The following GRIN2D variants were observed in gnomAD, a reference collection of about 807,000 sequenced individuals.
GRIN2D encodes glutamate ionotropic receptor NMDA type subunit 2D, also known as glutamate receptor ionotropic, NMDA 2D.
A neutral mutation model predicts 103.2 loss-of-function variants in GRIN2D; 37 were observed. The observed-to-expected ratio is 0.36, with a 90% CI of 0.28 to 0.47. GRIN2D has a LOEUF of 0.47. Ranked by LOEUF, GRIN2D falls within the 20% of genes least tolerant of loss-of-function variation. The pLI, the probability that GRIN2D is intolerant of heterozygous loss-of-function variation, is 1.00. For missense variants in GRIN2D, 1,557 were observed against 1,910.6 expected, an observed-to-expected ratio of 0.81 and a Z score of 3.45; for synonymous variants, 845 against 885.6, an observed-to-expected ratio of 0.95 and a Z score of 0.81.
chr19:48,432,636 C>A (rs1040629930), intron 11 of GRIN2D, among the ~76,000 whole-genome samples: 8 of 150,346 alleles, frequency 5.3e-5, no homozygotes. Flanking sequence ...GTGCCACTTT[C>A]GTGTAGAGAC....
chr19:48,430,092 C>CT (rs1265061331), intron 11 of GRIN2D, among the ~76,000 whole-genome samples: 2 of 152,200 alleles, frequency 1.3e-5, no homozygotes, highest in African/African-American at 2.4e-5. Context: ...CATTGTGACT[C>CT]TGACAGATGA....
chr19:48,436,041 G>A (rs181772279), intron 11 of GRIN2D, among the ~76,000 whole-genome samples: 2 of 152,316 alleles, frequency 1.3e-5, no homozygotes, highest in East Asian at 1.9e-4. Context: ...AACACCTGAC[G>A]GAGGTTGTAA....
Position 48,416,080 on chromosome 19 carries a change from GT to G in GRIN2D, c.1661del (p.Val554AlafsTer34), listed in dbSNP as rs770057469. On this transcript the variant is annotated frameshift_variant, in exon 8 of 14. Transcript: ENST00000263269. LOFTEE classifies it high-confidence loss of function. ...GCGCTCCGAGATCGTGGACTTCTCC[GT>G]CCCCTTCGTGGAGACCGGCATCAGC... ...EERSEIVDFS[V>X]PFVETGISVM... 1 of 1,613,810 alleles carries G rather than the reference GT, an allele frequency of 6.2e-7. No homozygotes were observed. Among genetic ancestry groups the G allele is most frequent in the South Asian group, 1.1e-5 (1 of 91,070 alleles).
chr19:48,429,143 C>CT (rs1411113278), intron 11 of GRIN2D, among the ~76,000 whole-genome samples: 3 of 152,000 alleles, frequency 2.0e-5, no homozygotes, highest in East Asian at 1.9e-4. Context: ...GTTACTTTTT[C>CT]TTTTTTTTCT....
Position 48,442,052 on chromosome 19 carries a change from C to A in GRIN2D, c.2440+96C>A. 1.3e-6 allele frequency: 2 copies of A among 1,508,116 alleles called. No individual in the cohort carries two copies. Among genetic ancestry groups the A allele is most frequent in the South Asian group, 1.2e-5 (1 of 85,338 alleles). The allele number at this position is 1,508,116 out of a possible 1,614,324, so 93.4% of individuals were successfully genotyped here. On this transcript the variant is annotated intron_variant, in intron 12 of 13. Coordinates refer to ENST00000263269, the MANE Select transcript of GRIN2D (RefSeq NM_000836.4). The surrounding 1 kb of genome is among the most constrained non-coding windows in gnomAD (Gnocchi z 7.2). The stretch of plus-strand genomic sequence containing the variant: ...GGGACAAAGACCCGGACACCAGGGT[C>A]TGAGGGAGGAAGGGGCTAAGGGCCT...
chr19:48,431,186 C>T (rs1483909725), intron 11 of GRIN2D, among the ~76,000 whole-genome samples: 2 of 152,158 alleles, frequency 1.3e-5, no homozygotes, highest in Non-Finnish European at 2.9e-5. Context: ...TGGGCATAGC[C>T]GCCATCTTGG....
rs8110204 is a variant in GRIN2D at position 48,421,191 on chromosome 19, G to A, written c.2092-594G>A. Among the ~76,000 whole-genome samples the A allele has an allele frequency of 1.4e-4, 22 of 152,200 alleles. No homozygotes were observed. Among genetic ancestry groups the A allele is most frequent in the African/African-American group, 5.1e-4 (21 of 41,432 alleles). Reference sequence around the variant, plus strand: ...TGCCTGTAATCCCAGCACTTTGGGAGGCCAAGGCGGGCGGATCACCTGAGG... The same window carrying A: ...TGCCTGTAATCCCAGCACTTTGGGAAGCCAAGGCGGGCGGATCACCTGAGG... On this transcript the variant is annotated intron_variant, in intron 10 of 13. Coordinates refer to ENST00000263269, the MANE Select transcript of GRIN2D (RefSeq NM_000836.4). The surrounding 1 kb of genome is among the most constrained non-coding windows in gnomAD (Gnocchi z 4.8).
In GRIN2D at chr19:48,404,865, C is replaced by A; in HGVS notation, c.597C>A (p.Ala199=). 6.2e-7 allele frequency: 1 copy of A among 1,614,216 alleles called. No individual in the cohort carries two copies. The highest frequency in any genetic ancestry group is 1.1e-5 in the South Asian group (1 of 91,084). ...CCACTCGTGCCCCTGGCCACCGGGC[C>A]TTCCTGTCCTACATTGAGGTGCTGA... ...AVTTRAPGHR[A]FLSYIEVLTD... is the part of the protein sequence containing the mutation. The change falls in exon 4 of 14, where the codon GCC becomes GCA. Residue 199 remains alanine, a synonymous_variant. Coordinates refer to ENST00000263269, the MANE Select transcript of GRIN2D (RefSeq NM_000836.4).
chr19:48,400,909 T>TA (rs1970703435), intron 3 of GRIN2D, among the ~76,000 whole-genome samples: 1 of 151,334 alleles, frequency 6.6e-6, no homozygotes, highest in African/African-American at 2.4e-5. Flanking sequence ...CTGCTGAAAA[T>TA]ATGAAAATTA....
At chr19:48,408,757 T>A (rs959045344) in intron 4 of GRIN2D, among the ~76,000 whole-genome samples, 1 of 150,178 alleles carries the variant, frequency 6.7e-6, no homozygotes, top group Admixed American at 6.7e-5. Context: ...GAGGTGAAGG[T>A]TGCAGTGAGC....
At chr19:48,426,710 G>T (rs1971092000) in intron 11 of GRIN2D, among the ~76,000 whole-genome samples, 1 of 151,658 alleles carries the variant, frequency 6.6e-6, no homozygotes, top group African/African-American at 2.4e-5. Context: ...TCAGTCTCCT[G>T]AGCAGGTGGG....
At chr19:48,400,086 G>A (rs1048370312) in intron 3 of GRIN2D, among the ~76,000 whole-genome samples, 3 of 152,236 alleles carry the variant, frequency 2.0e-5, no homozygotes, top group Non-Finnish European at 2.9e-5. Flanking sequence ...GAGCCTGCTG[G>A]GAAGGGATGG....
In GRIN2D at chr19:48,408,258, C is replaced by T. The variant is rs376872872; in HGVS notation, c.1085+2905C>T. ...CTGAGGCAGGAGAATGGCATGAACC[C>T]GGGAGGCGGAGCTTGCAGTGAGCCG... On this transcript the variant is annotated intron_variant, in intron 4 of 13. Coordinates refer to ENST00000263269, the MANE Select transcript of GRIN2D (RefSeq NM_000836.4). Among the ~76,000 whole-genome samples the T allele has an allele frequency of 3.9e-3, 588 of 149,104 alleles. 7 individuals are homozygous for T. The highest frequency in any genetic ancestry group is 0.014 in the African/African-American group (550 of 40,424).
intron 11 of GRIN2D, among the ~76,000 whole-genome samples, chr19:48,424,896 C>T (rs1452164403): frequency 6.6e-6 from 1 of 152,162 alleles, no homozygotes; most frequent in Non-Finnish European, 1.5e-5. Context: ...TTTTTCACTT[C>T]CTTACTCACC....
chr19:48,401,259 G>C (rs1043088819), intron 3 of GRIN2D, among the ~76,000 whole-genome samples: 1 of 144,592 alleles, frequency 6.9e-6, no homozygotes, highest in Non-Finnish European at 1.5e-5. Flanking sequence ...GTTCTAGAGG[G>C]GGGGGGAAAA....
chr19:48,427,472 CTT>C (rs1038381293), intron 11 of GRIN2D, among the ~76,000 whole-genome samples: 210 of 83,208 alleles, frequency 2.5e-3, no homozygotes, highest in African/African-American at 0.01. Context: ...ATCTTCTTTT[CTT>C]TTTTTTTTTT....
At chr19:48,397,133 C>A (rs1170464508) in intron 2 of GRIN2D, among the ~76,000 whole-genome samples, 1 of 149,350 alleles carries the variant, frequency 6.7e-6, no homozygotes, top group Admixed American at 6.6e-5. Flanking sequence ...TGCCCCCCAA[C>A]CCCACATCCC....
Position 48,443,612 on chromosome 19 carries a change from C to T in GRIN2D, c.3686C>T (p.Pro1229Leu), listed in dbSNP as rs1350753867. 9.0e-6 allele frequency: 10 copies of T among 1,105,444 alleles called. No homozygotes were observed. Among genetic ancestry groups the T allele is most frequent in the Non-Finnish European group, 9.9e-6 (9 of 909,622 alleles). The allele number at this position is 1,105,444 out of a possible 1,614,324, so 68.5% of individuals were successfully genotyped here. ...CGACGCCGGGCCCGCTGCGGGTGCC[C>T]GCGGTCGCACCCGCACCGCCCGCGG... ...LPRRRARCGC[P>L]RSHPHRPRAS... The change falls in exon 14 of 14, where the codon CCG becomes CTG. Residue 1229 changes from proline (P) to leucine (L), a missense_variant. By Grantham distance (98) the Pro-to-Leu change is moderately conservative. Transcript: ENST00000263269. This position sits in a 1 kb window ranked among gnomAD's most constrained non-coding sequence, Gnocchi z 8.9.
chr19:48,394,085 C>CCAGG lies in GRIN2D; in HGVS notation c.-306+219_-306+222dup. Among the ~76,000 whole-genome samples the CCAGG allele has an allele frequency of 6.6e-6, 1 of 152,182 alleles. No individual in the cohort carries two copies. The highest frequency in any genetic ancestry group is 1.9e-4 in the East Asian group (1 of 5,162). ...TTCTGTGCCTCCTGCCTGCGTCCGG[C>CCAGG]CAGGCGTCTGGGCGTCCCCGGCTGC... On this transcript the variant is annotated intron_variant, in intron 1 of 13. Coordinates refer to ENST00000263269, the MANE Select transcript of GRIN2D (RefSeq NM_000836.4). This position sits in a 1 kb window ranked among gnomAD's most constrained non-coding sequence, Gnocchi z 5.1.
Sources: gnomAD v4.1 joint callset for allele counts (sites outside exome capture counted in the v4.1 genomes callset) on GRCh38, gnomAD v4.1.1 for gene constraint, Gnocchi (gnomAD v3.1) non-coding constraint, MANE v1.5 for transcripts, NCBI Gene and HGNC (gene_info 2026-07-23, HGNC 2026-07-21) for gene names.